Variants in SLIT2 observed in about 807,000 individuals in gnomAD.
SLIT2 encodes the protein slit homolog 2 protein.
Under a neutral mutation model 185.7 loss-of-function variants are expected in SLIT2, and 41 were observed. The observed-to-expected ratio is 0.22, with a 90% CI of 0.17 to 0.29. SLIT2 has a LOEUF of 0.29. Ranked by LOEUF, SLIT2 falls within the 10% of genes least tolerant of loss-of-function variation. SLIT2 has a pLI of 1.00. For missense variants in SLIT2, 1,571 were observed against 1,909.0 expected (o/e 0.82, Z 3.30); for synonymous variants, 693 against 680.2 (o/e 1.02, Z -0.29).
intron 4 of SLIT2, among the ~76,000 whole-genome samples, chr4:20,387,278 A>G (rs1459987858): frequency 3.3e-5 from 5 of 152,128 alleles, no homozygotes; most frequent in Admixed American, 1.3e-4. Flanking sequence ...ATATCTATTG[A>G]TATTTATTGT....
chr4:20,456,169 A>G (rs549302774), intron 4 of SLIT2, among the ~76,000 whole-genome samples: 2 of 145,682 alleles, frequency 1.4e-5, no homozygotes, highest in East Asian at 4.0e-4. Flanking sequence ...CTTTGTTATA[A>G]TAGGTCTTGT....
chr4:20,513,745 G>A lies in SLIT2; in HGVS notation c.1058+2608G>A, dbSNP rs542490933. 2.6e-3 allele frequency among the ~76,000 whole-genome samples: 388 copies of A among 152,048 alleles called. 4 individuals carry two copies. Among genetic ancestry groups the A allele is most frequent in the African/African-American group, 8.9e-3 (370 of 41,380 alleles). ...TAAGGATAGCTGTGGTTGGCGGGGG[G>A]AAGCTAAAACCTTAAATAAGATGAT... On this transcript the variant is annotated intron_variant, in intron 11 of 36. Coordinates refer to ENST00000504154, the MANE Select transcript of SLIT2 (RefSeq NM_004787.4).
intron 4 of SLIT2, among the ~76,000 whole-genome samples, chr4:20,295,557 A>T (rs184348460): frequency 2.0e-4 from 30 of 152,296 alleles, no homozygotes; most frequent in African/African-American, 6.7e-4. Flanking sequence ...CTTAGTAGTA[A>T]GTCAATCCAA....
At position 20,472,525 on chromosome 4, in the gene SLIT2, TATATATAG is replaced by T. The variant is rs1438603850; in HGVS notation, c.467+4709_467+4716del. 8.2e-4 allele frequency among the ~76,000 whole-genome samples: 10 copies of T among 12,202 alleles called. 3 individuals are homozygous for T. Among genetic ancestry groups the T allele is most frequent in the African/African-American group, 5.5e-3 (10 of 1,810 alleles). The allele number at this position is 12,202 out of a possible 152,430, so 8.0% of individuals were successfully genotyped here. ...ATCTATATATAGATAGATATATATC[TATATATAG>T]ATATATCTATATCTATATATAGATA... On this transcript the variant is annotated intron_variant, in intron 5 of 36. Transcript: ENST00000504154.
chr4:20,274,024 G>A (rs767869224), intron 4 of SLIT2, among the ~76,000 whole-genome samples: 2 of 152,112 alleles, frequency 1.3e-5, no homozygotes, highest in African/African-American at 2.4e-5. Context: ...GATAGCTACC[G>A]CTGATTTCTG....
At chr4:20,468,002 T>C (rs896044106) in intron 5 of SLIT2, among the ~76,000 whole-genome samples, 179 bp downstream of exon 5, 6 of 152,170 alleles carry the variant, frequency 3.9e-5, no homozygotes, top group Admixed American at 6.5e-5. Flanking sequence ...GACGAGATGC[T>C]CATTTAGAAG....
chr4:20,302,433 G>A (rs1049177416), intron 4 of SLIT2, among the ~76,000 whole-genome samples: 3 of 152,110 alleles, frequency 2.0e-5, no homozygotes, highest in Non-Finnish European at 4.4e-5. Context: ...CCAGGCAATG[G>A]GGGAGGGACA....
rs750266050 is a variant in SLIT2 at position 20,268,866 on chromosome 4, C to T, written c.380C>T (p.Ala127Val). Reference protein sequence around the residue: ...LFPELLFLGTAKLYRLDLSEN... With the variant: ...LFPELLFLGTVKLYRLDLSEN... ...CCTGAGTTGCTGTTTCTTGGGACTG[C>T]GAAGCTATACAGGCTGTAAGTAGAC... The change falls in exon 4 of 37, where the codon GCG (alanine) becomes GTG (valine). Residue 127 changes from alanine to valine, a missense_variant. Transcript: ENST00000504154. The T allele has an allele frequency of 1.6e-5, 26 of 1,603,060 alleles. No individual in the cohort carries two copies. In the Admixed American group the frequency reaches 2.8e-4, roughly 18 times the overall value.
intron 29 of SLIT2, among the ~76,000 whole-genome samples, chr4:20,578,675 G>T (rs952938262): frequency 6.6e-5 from 10 of 152,094 alleles, no homozygotes; most frequent in African/African-American, 2.4e-4. Context: ...GCAGAAGGTA[G>T]CAACAGTAGC....
chr4:20,450,648 A>C (rs898353186), intron 4 of SLIT2, among the ~76,000 whole-genome samples: 4 of 152,228 alleles, frequency 2.6e-5, no homozygotes, highest in African/African-American at 9.6e-5. Context: ...ATTTTTAACT[A>C]TGCAGGTAAT....
chr4:20,438,290 A>G (rs2148695364), intron 4 of SLIT2, among the ~76,000 whole-genome samples: 1 of 152,320 alleles, frequency 6.6e-6, no homozygotes, highest in South Asian at 2.1e-4. Context: ...TGGGCAATTT[A>G]CACAAGAAAG....
chr4:20,398,663 A>T (rs1441202398), intron 4 of SLIT2, among the ~76,000 whole-genome samples: 1 of 151,650 alleles, frequency 6.6e-6, no homozygotes, highest in East Asian at 1.9e-4. Flanking sequence ...TCTCCCCAAT[A>T]CTAGTAGAAA....
chr4:20,280,752 T>C (rs951690950), intron 4 of SLIT2, among the ~76,000 whole-genome samples: 2 of 152,178 alleles, frequency 1.3e-5, no homozygotes, highest in Non-Finnish European at 2.9e-5. Flanking sequence ...TGATTTGAGA[T>C]TATTCTCTCT....
At chr4:20,614,827 G>T (rs1359352400) in intron 34 of SLIT2, 4 of 150,744 alleles carry the variant, frequency 2.7e-5, no homozygotes, top group Non-Finnish European at 5.9e-5. Flanking sequence ...TGTCAATGAA[G>T]ACCTAGCACG....
intron 4 of SLIT2, among the ~76,000 whole-genome samples, chr4:20,335,640 G>T (rs970869562): frequency 1.3e-5 from 2 of 152,120 alleles, no homozygotes; most frequent in Non-Finnish European, 2.9e-5. Flanking sequence ...TGGGTCATCA[G>T]ATCTCAGGTT....
chr4:20,614,141 G>A (rs1424090219), intron 34 of SLIT2, among the ~76,000 whole-genome samples: 1 of 152,034 alleles, frequency 6.6e-6, no homozygotes, highest in Non-Finnish European at 1.5e-5. Flanking sequence ...CCAAAGTGCT[G>A]GGATTACATG....
chr4:20,524,620 G>A (rs953498750), intron 14 of SLIT2, among the ~76,000 whole-genome samples: 8 of 152,176 alleles, frequency 5.3e-5, no homozygotes, highest in African/African-American at 1.9e-4. Flanking sequence ...GGCGCCAGGA[G>A]GGACTCCAGA....
intron 21 of SLIT2, among the ~76,000 whole-genome samples, chr4:20,545,125 C>T (rs1416112337): frequency 6.6e-6 from 1 of 151,848 alleles, no homozygotes. Flanking sequence ...GAAAAAATAC[C>T]AACTTCAACC....
rs187541816 is a variant in SLIT2 at position 20,543,501 on chromosome 4, A to G, written c.2276+875A>G. On this transcript the variant is annotated intron_variant, in intron 21 of 36. Coordinates refer to ENST00000504154, the MANE Select transcript of SLIT2 (RefSeq NM_004787.4). Reference sequence around the variant, plus strand: ...CACTTTGCCTGTTTATTTTTTATCTATGTGGAACTATGGATCAATAATGAT... The same window carrying G: ...CACTTTGCCTGTTTATTTTTTATCTGTGTGGAACTATGGATCAATAATGAT... 1.1e-3 allele frequency among the ~76,000 whole-genome samples: 161 copies of G among 152,266 alleles called. 1 individual carries two copies. The highest frequency in any genetic ancestry group is 3.4e-3 in the Middle Eastern group (1 of 294).
Sources: allele counts gnomAD v4.1 joint callset (sites outside exome capture counted in the v4.1 genomes callset), GRCh38; gene constraint gnomAD v4.1.1; transcripts MANE v1.5; gene names NCBI Gene and HGNC (gene_info 2026-07-23, HGNC 2026-07-21).